Variants in ZNF121 observed in about 807,000 individuals in gnomAD.
ZNF121 encodes the protein zinc finger protein 121 (clone ZHC32).
In ZNF121, 1 loss-of-function variant was observed where a neutral mutation model predicts 2.4. That is an observed-to-expected ratio of 0.41 (90% CI 0.15 to 1.94). The LOEUF is 1.94. ZNF121 is among the 30% of genes most tolerant of loss of function. ZNF121 has a pLI of 0.30. For synonymous variants in ZNF121, 173 were observed against 158.6 expected, an observed-to-expected ratio of 1.09 and a Z score of -0.68; for missense variants, 369 against 466.3, an observed-to-expected ratio of 0.79 and a Z score of 1.92.
Position 9,569,062 on chromosome 19 carries a change from C to CA in ZNF121, c.-140dup, listed in dbSNP as rs1338495957. 6.5e-5 allele frequency: 10 copies of CA among 153,002 alleles called. No homozygotes were observed. In the Admixed American group the frequency reaches 6.5e-4, roughly 10 times the overall value. 9.5% of individuals were successfully genotyped at this position (153,002 alleles called of 1,614,324 possible). A position where few individuals can be genotyped will look rare whatever the true frequency, so the allele number is the denominator to read the frequency against. ...TCCTTCTCCTCCTCCAGTCAAGAGA[C>CA]AGACTGAGTTTGAATAGGTCCTGTA... On this transcript the variant is annotated 5_prime_UTR_variant, in exon 2 of 4. Transcript: ENST00000320451.
At chr19:9,578,967 C>G (rs1168322182) in intron 1 of ZNF121, among the ~76,000 whole-genome samples, 3 of 141,124 alleles carry the variant, frequency 2.1e-5, no homozygotes, top group Non-Finnish European at 4.5e-5. Flanking sequence ...ATATAAGGAA[C>G]TCAACTTGAT....
intron 1 of ZNF121, among the ~76,000 whole-genome samples, chr19:9,583,683 T>C (rs1462335499): frequency 2.0e-5 from 3 of 152,006 alleles, no homozygotes; most frequent in Non-Finnish European, 4.4e-5. Flanking sequence ...TTTTGTATTT[T>C]TAGTAGAGAC....
intron 1 of ZNF121, among the ~76,000 whole-genome samples, chr19:9,578,349 G>A (rs539781614): frequency 4.0e-5 from 6 of 151,520 alleles, no homozygotes; most frequent in South Asian, 2.1e-4. Context: ...AGCCGAGGTC[G>A]CACCACTGCA....
rs999339844 is a variant in ZNF121 at position 9,569,090 on chromosome 19, G to A, written c.-159-8C>T. 1 of 153,194 alleles carries A rather than the reference G, an allele frequency of 6.5e-6. No homozygotes were observed. Among genetic ancestry groups the A allele is most frequent in the Non-Finnish European group, 1.5e-5 (1 of 68,088 alleles). 9.5% of individuals were successfully genotyped at this position (153,194 alleles called of 1,614,324 possible). A position where few individuals can be genotyped will look rare whatever the true frequency, so the allele number is the denominator to read the frequency against. ...ACTGAGTTTGAATAGGTCCTGTACAGAGGGAAAGATACATCAATGGAAGAG... is the reference window on the plus strand; with the variant it reads ...ACTGAGTTTGAATAGGTCCTGTACAAAGGGAAAGATACATCAATGGAAGAG... On this transcript the variant is annotated splice_polypyrimidine_tract_variant and splice_region_variant and intron_variant, in intron 1 of 3. Transcript: ENST00000320451.
chr19:9,562,161 A>ATTTTTTT lies in ZNF121; in HGVS notation c.*3772_*3778dup, dbSNP rs34814047. 1 of 108,076 alleles carries ATTTTTTT rather than the reference A, an allele frequency of 9.3e-6. No individual in the cohort carries two copies. Among genetic ancestry groups the ATTTTTTT allele is most frequent in the African/African-American group, 3.5e-5 (1 of 28,198 alleles). The allele number at this position is 108,076 out of a possible 1,614,324, so 6.7% of individuals were successfully genotyped here. ...ATTATACTTACTGTGGTGCTGTGTG[A>ATTTTTTT]TTTTTTTTTTTTTTTTTTTTTGAGA... On this transcript the variant is annotated 3_prime_UTR_variant, in exon 4 of 4. Transcript: ENST00000320451.
rs142365575 is a variant in ZNF121 at position 9,580,461 on chromosome 19, C to G, written c.-160+4000G>C. Among the ~76,000 whole-genome samples the G allele has an allele frequency of 1.1e-4, 17 of 151,240 alleles. No homozygotes were observed. In the East Asian group the frequency reaches 2.9e-3, roughly 26 times the overall value. On this transcript the variant is annotated intron_variant, in intron 1 of 3. Transcript: ENST00000320451. ...CATGATTATGCCATTGCCCTCCAGC[C>G]TGGGTGATCCAGCAAGACTCAAAAA...
rs1226160192 is a variant in ZNF121 at position 9,562,887 on chromosome 19, A to G, written c.*3053T>C. On this transcript the variant is annotated 3_prime_UTR_variant, in exon 4 of 4. Transcript: ENST00000320451. ...GTAAACAGTAAAGTCCTGCCTCTTT[A>G]AAAAAAAAAAAAAAAAAAAAAAAAA... 1.3e-4 allele frequency: 2 copies of G among 15,132 alleles called. No homozygotes were observed. The highest frequency in any genetic ancestry group is 3.3e-4 in the Non-Finnish European group (2 of 6,104). 0.9% of individuals were successfully genotyped at this position (15,132 alleles called of 1,614,324 possible).
At chr19:9,577,768 G>A (rs1395980187) in intron 1 of ZNF121, among the ~76,000 whole-genome samples, 1 of 152,108 alleles carries the variant, frequency 6.6e-6, no homozygotes, top group Non-Finnish European at 1.5e-5. Context: ...AGCTGGAGTG[G>A]CCAGGTGCAG....
chr19:9,570,398 C>G (rs2074165547), intron 1 of ZNF121, among the ~76,000 whole-genome samples: 1 of 152,080 alleles, frequency 6.6e-6, no homozygotes, highest in Non-Finnish European at 1.5e-5. Flanking sequence ...ATAGCCCACT[C>G]CCCCGCCCTT....
At chr19:9,570,209 A>G (rs1475800589) in intron 1 of ZNF121, among the ~76,000 whole-genome samples, 1 of 152,118 alleles carries the variant, frequency 6.6e-6, no homozygotes, top group Non-Finnish European at 1.5e-5. Flanking sequence ...CCATCCAAAA[A>G]CAAAAGAATC....
At chr19:9,582,743 T>C (rs1057264157) in intron 1 of ZNF121, among the ~76,000 whole-genome samples, 9 of 143,626 alleles carry the variant, frequency 6.3e-5, no homozygotes, top group African/African-American at 2.3e-4. Context: ...AGCGAGACTC[T>C]GTCTCAAAAA....
chr19:9,568,371 AT>A (rs34558756), intron 2 of ZNF121, among the ~76,000 whole-genome samples, 196 bp from the exon 3 acceptor site: 15,042 of 145,406 alleles, frequency 0.1, 817 homozygotes, highest in South Asian at 0.19. Context: ...AAACTTAGTA[AT>A]TTTTTTTTTT....
intron 1 of ZNF121, among the ~76,000 whole-genome samples, chr19:9,574,610 A>G (rs1319294651): frequency 6.6e-6 from 1 of 152,136 alleles, no homozygotes; most frequent in Non-Finnish European, 1.5e-5. Flanking sequence ...GGAACCTCAC[A>G]TTTTGTACTT....
chr19:9,583,725 G>C (rs915238612), intron 1 of ZNF121, among the ~76,000 whole-genome samples: 1 of 151,884 alleles, frequency 6.6e-6, no homozygotes, highest in Non-Finnish European at 1.5e-5. Context: ...GGCTGGTCTC[G>C]AACTCCTGAC....
In ZNF121 at chr19:9,568,160, G is replaced by GT. The variant is rs2074147686; in HGVS notation, c.-64dup. ...ATGTTGTTGAGGTGCTGACACTTTG[G>GT]TTTTAACTTGCCATTCTGAAGTAAA... On this transcript the variant is annotated 5_prime_UTR_variant, in exon 3 of 4. Transcript: ENST00000320451. 1 of 1,470,764 alleles carries GT rather than the reference G, an allele frequency of 6.8e-7. No homozygotes were observed. Among genetic ancestry groups the GT allele is most frequent in the Non-Finnish European group, 9.2e-7 (1 of 1,092,508 alleles). 91.1% of individuals were successfully genotyped at this position (1,470,764 alleles called of 1,614,324 possible).
chr19:9,560,696 GCATT>G lies in ZNF121; in HGVS notation c.*5240_*5243del, dbSNP rs1282454276. On this transcript the variant is annotated 3_prime_UTR_variant, in exon 4 of 4. Coordinates refer to ENST00000320451, the MANE Select transcript of ZNF121 (RefSeq NM_001008727.5). ...TGATATTGCATTGTATGTATATAATGCATTTTGTTTACCAATTCATCTGTCAATG... is the reference window on the plus strand; with the variant it reads ...TGATATTGCATTGTATGTATATAATGTTGTTTACCAATTCATCTGTCAATG... The G allele has an allele frequency of 2.0e-5, 3 of 152,232 alleles. No homozygotes were observed. The highest frequency in any genetic ancestry group is 7.2e-5 in the African/African-American group (3 of 41,456). The allele number at this position is 152,232 out of a possible 1,614,324, so 9.4% of individuals were successfully genotyped here.
intron 1 of ZNF121, among the ~76,000 whole-genome samples, chr19:9,578,766 T>C (rs918894870): frequency 6.6e-6 from 1 of 152,152 alleles, no homozygotes; most frequent in Non-Finnish European, 1.5e-5. Context: ...ATCCAGGACA[T>C]TGGTCTGGGT....
intron 1 of ZNF121, among the ~76,000 whole-genome samples, chr19:9,582,333 C>T (rs1293341781): frequency 1.3e-5 from 2 of 152,178 alleles, no homozygotes; most frequent in African/African-American, 4.8e-5. Context: ...TAACTGATGA[C>T]ATTCCACCAT....
At chr19:9,568,027 T>C (rs2074146044) in intron 3 of ZNF121, 68 bp downstream of exon 3, 2 of 1,480,370 alleles carry the variant, frequency 1.4e-6, no homozygotes. Context: ...TCTCTCATTT[T>C]TGCTGATTTT....
Sources: gnomAD v4.1 joint callset for allele counts (sites outside exome capture counted in the v4.1 genomes callset) on GRCh38, gnomAD v4.1.1 for gene constraint, MANE v1.5 for transcripts, NCBI Gene and HGNC (gene_info 2026-07-23, HGNC 2026-07-21) for gene names.